PTPRD: variants seen among roughly 807,000 people sequenced by gnomAD.
The protein encoded by PTPRD is protein tyrosine phosphatase receptor type D, also known as receptor-type tyrosine-protein phosphatase delta.
A neutral mutation model predicts 214.5 loss-of-function variants in PTPRD; 34 were observed. The observed-to-expected ratio is 0.16, with a 90% CI of 0.12 to 0.21. The LOEUF is 0.21. Among genes scored for constraint, PTPRD ranks in the 10% least tolerant of loss-of-function variants. The pLI is 1.00. For synonymous variants in PTPRD, 1,128 were observed against 845.7 expected (o/e 1.33, Z -5.79); for missense variants, 2,545 against 2,398.7 (o/e 1.06, Z -1.27).
chr9:10,116,971 T>G (rs1380055873), intron 3 of PTPRD, among the ~76,000 whole-genome samples: 2 of 152,150 alleles, frequency 1.3e-5, no homozygotes, highest in Non-Finnish European at 2.9e-5. Flanking sequence ...TGCTAAGTAT[T>G]TTATTCATAA....
chr9:10,610,589 A>G (rs1250965510), intron 2 of PTPRD, among the ~76,000 whole-genome samples: 1 of 152,038 alleles, frequency 6.6e-6, no homozygotes, highest in Admixed American at 6.6e-5. Context: ...TATAATCCAA[A>G]TCTGATCAGC....
chr9:9,740,671 C>G (rs548638799), intron 6 of PTPRD, among the ~76,000 whole-genome samples: 1 of 152,062 alleles, frequency 6.6e-6, no homozygotes, highest in Non-Finnish European at 1.5e-5. Flanking sequence ...GCCTCTAAGA[C>G]CACTTTTCTT....
At chr9:9,816,611 C>T (rs1380741305) in intron 5 of PTPRD, among the ~76,000 whole-genome samples, 3 of 151,796 alleles carry the variant, frequency 2.0e-5, no homozygotes, top group Non-Finnish European at 4.4e-5. Context: ...ATATTTTCCC[C>T]TCAAATGCCT....
intron 3 of PTPRD, among the ~76,000 whole-genome samples, chr9:10,084,666 AT>A (rs60028378): frequency 6.6e-6 from 1 of 151,100 alleles, no homozygotes; most frequent in East Asian, 2.0e-4. Context: ...TTTAAATAAT[AT>A]TTTTTTTTAG....
intron 11 of PTPRD, among the ~76,000 whole-genome samples, chr9:8,762,097 G>C (rs2094448677): frequency 6.6e-6 from 1 of 152,068 alleles, no homozygotes; most frequent in Non-Finnish European, 1.5e-5. Context: ...AGCAGTTTAG[G>C]GGATGTGTGT....
intron 22 of PTPRD, among the ~76,000 whole-genome samples, chr9:8,505,149 T>C (rs1324879137): frequency 1.3e-5 from 2 of 152,136 alleles, no homozygotes; most frequent in African/African-American, 4.8e-5. Context: ...GCTATAACTC[T>C]CACCTTCCGT....
intron 10 of PTPRD, among the ~76,000 whole-genome samples, chr9:9,149,956 G>A (rs975169199): frequency 6.6e-6 from 1 of 152,260 alleles, no homozygotes; most frequent in Admixed American, 6.5e-5. Flanking sequence ...GTGAAACTAA[G>A]TACAGGTAGT....
chr9:10,232,952 C>G (rs2099616680), intron 3 of PTPRD, among the ~76,000 whole-genome samples: 1 of 151,950 alleles, frequency 6.6e-6, no homozygotes, highest in African/African-American at 2.4e-5. Flanking sequence ...ATCATTTTAT[C>G]CACTGAAAAA....
intron 5 of PTPRD, among the ~76,000 whole-genome samples, chr9:9,908,697 C>T (rs925954991): frequency 6.6e-6 from 1 of 151,944 alleles, no homozygotes; most frequent in African/African-American, 2.4e-5. Flanking sequence ...CTTTATCTTG[C>T]TTATATTTTT....
At chr9:8,791,942 G>T (rs2096251715) in intron 11 of PTPRD, among the ~76,000 whole-genome samples, 1 of 152,122 alleles carries the variant, frequency 6.6e-6, no homozygotes, top group African/African-American at 2.4e-5. Flanking sequence ...CCCTGACGCA[G>T]GTCTCAGATA....
intron 14 of PTPRD, among the ~76,000 whole-genome samples, chr9:8,537,477 C>T (rs149601949): frequency 6.6e-6 from 1 of 151,908 alleles, no homozygotes; most frequent in Non-Finnish European, 1.5e-5. Flanking sequence ...TTATTACATA[C>T]AGATAGTATG....
At chr9:10,132,463 G>C (rs1057144049) in intron 3 of PTPRD, among the ~76,000 whole-genome samples, 1 of 151,868 alleles carries the variant, frequency 6.6e-6, no homozygotes, top group Admixed American at 6.6e-5. Context: ...ACATGGGAAT[G>C]AGGAGATCCA....
chr9:10,449,852 A>G (rs372157904), intron 2 of PTPRD, among the ~76,000 whole-genome samples: 2,189 of 150,156 alleles, frequency 0.015, 56 homozygotes, highest in African/African-American at 0.046. Context: ...CTGTGTCTGT[A>G]TAGAAAGAAG....
At chr9:10,202,698 A>ATATATATATATATG (rs1339028268) in intron 3 of PTPRD, among the ~76,000 whole-genome samples, 2 of 145,442 alleles carry the variant, frequency 1.4e-5, no homozygotes, top group African/African-American at 2.5e-5. Flanking sequence ...ATATATATAT[A>ATATATATATATATG]TGCACCAGTG....
intron 9 of PTPRD, among the ~76,000 whole-genome samples, chr9:9,266,154 T>C (rs778030494): frequency 1.3e-5 from 2 of 151,522 alleles, no homozygotes; most frequent in African/African-American, 4.8e-5. Flanking sequence ...AGTCATTTTA[T>C]AATGATAAAA....
intron 3 of PTPRD, among the ~76,000 whole-genome samples, chr9:10,258,440 A>G (rs552200903): frequency 2.0e-5 from 3 of 152,336 alleles, no homozygotes; most frequent in South Asian, 4.1e-4. Flanking sequence ...TCTTGCCATA[A>G]TATCTCGGAG....
chr9:9,237,836 A>G (rs142310133), intron 9 of PTPRD, among the ~76,000 whole-genome samples: 1 of 152,198 alleles, frequency 6.6e-6, no homozygotes, highest in East Asian at 1.9e-4. Context: ...TCTTGTTGCC[A>G]TGATTTTTGA....
intron 4 of PTPRD, among the ~76,000 whole-genome samples, chr9:10,013,606 G>C (rs992629717): frequency 1.3e-5 from 2 of 151,306 alleles, no homozygotes; most frequent in African/African-American, 4.8e-5. Flanking sequence ...TTTCAACACA[G>C]ATAAGTAATT....
intron 30 of PTPRD, among the ~76,000 whole-genome samples, chr9:8,480,317 TA>T (rs1158104235): frequency 1.3e-5 from 2 of 152,182 alleles, no homozygotes; most frequent in Admixed American, 6.5e-5. Flanking sequence ...TGTCACTTTT[TA>T]AGCCTCAGCT....
Sources: gnomAD v4.1 joint callset for allele counts (sites outside exome capture counted in the v4.1 genomes callset) on GRCh38, gnomAD v4.1.1 for gene constraint, MANE v1.5 for transcripts, NCBI Gene and HGNC (gene_info 2026-07-23, HGNC 2026-07-21) for gene names.